The following RASA1 variants were observed in gnomAD, a reference collection of about 807,000 sequenced individuals.
RASA1 encodes the protein RAS p21 protein activator 1, also known as ras GTPase-activating protein 1.
RASA1 carries 25 observed loss-of-function variants against 132.2 expected under a neutral mutation model. That is an observed-to-expected ratio of 0.19 (90% CI 0.14 to 0.26). The LOEUF is 0.26. Ranked by LOEUF, RASA1 falls within the 10% of genes least tolerant of loss-of-function variation. The pLI is 1.00. For synonymous variants in RASA1, 477 were observed against 449.9 expected, an observed-to-expected ratio of 1.06 and a Z score of -0.76; for missense variants, 964 against 1,299.2, an observed-to-expected ratio of 0.74 and a Z score of 3.97.
chr5:87,311,042 G>A (rs1414476256), intron 1 of RASA1, among the ~76,000 whole-genome samples: 2 of 152,114 alleles, frequency 1.3e-5, no homozygotes. Flanking sequence ...TATTTTGTGG[G>A]TTGAAATGGA....
At chr5:87,329,745 T>C (rs1757476746) in intron 1 of RASA1, among the ~76,000 whole-genome samples, 1 of 152,210 alleles carries the variant, frequency 6.6e-6, no homozygotes, top group African/African-American at 2.4e-5. Flanking sequence ...ATAGTTCTAC[T>C]GCTTTAAGTA....
chr5:87,283,305 TAA>T (rs1384260503), intron 1 of RASA1, among the ~76,000 whole-genome samples: 3 of 151,922 alleles, frequency 2.0e-5, no homozygotes, highest in Non-Finnish European at 4.4e-5. Context: ...GATTGAAAAT[TAA>T]AAACCTTTCC....
chr5:87,322,595 T>A (rs987080771), intron 1 of RASA1, among the ~76,000 whole-genome samples: 4 of 152,066 alleles, frequency 2.6e-5, no homozygotes, highest in Non-Finnish European at 4.4e-5. Context: ...CTTTGCCTTC[T>A]GCCATGAGTA....
intron 1 of RASA1, among the ~76,000 whole-genome samples, chr5:87,285,656 C>T (rs1327228072): frequency 7.1e-6 from 1 of 139,894 alleles, no homozygotes; most frequent in Non-Finnish European, 1.5e-5. Flanking sequence ...CTCGCTCTGT[C>T]GCCTAGGCTG....
At chr5:87,360,047 A>C (rs1759955884) in intron 9 of RASA1, among the ~76,000 whole-genome samples, 1 of 150,584 alleles carries the variant, frequency 6.6e-6, no homozygotes, top group South Asian at 2.1e-4. Context: ...TGTATCTATC[A>C]TATCAATTCC....
rs1762477742 is a variant in RASA1 at position 87,391,059 on chromosome 5, T to G, written c.*176T>G. On this transcript the variant is annotated 3_prime_UTR_variant, in exon 25 of 25. Transcript: ENST00000274376. ...CTGGTGAATAACTATGCCAGCAACC[T>G]TGTAAGCTATCTGTGCAGGATATTT... The G allele has an allele frequency of 2.9e-6, 2 of 698,320 alleles. No homozygotes were observed. The highest frequency in any genetic ancestry group is 5.2e-6 in the Non-Finnish European group (2 of 387,466). 43.3% of individuals were successfully genotyped at this position (698,320 alleles called of 1,614,324 possible).
intron 2 of RASA1, 102 bp downstream of exon 2, chr5:87,331,602 A>C: frequency 7.9e-7 from 1 of 1,271,048 alleles, no homozygotes; most frequent in Non-Finnish European, 1.1e-6. Flanking sequence ...AGTAACAAAT[A>C]ATAGAGAAGG....
intron 1 of RASA1, among the ~76,000 whole-genome samples, chr5:87,292,183 A>T (rs2112269162): frequency 6.6e-6 from 1 of 152,212 alleles, no homozygotes; most frequent in African/African-American, 2.4e-5. Context: ...AATGAAATCC[A>T]GCTTATTCGT....
intron 9 of RASA1, among the ~76,000 whole-genome samples, chr5:87,354,057 T>C (rs962107701): frequency 6.6e-6 from 1 of 152,118 alleles, no homozygotes; most frequent in Admixed American, 6.6e-5. Context: ...TGATTTGTAG[T>C]GTGCCTAGTT....
At chr5:87,320,810 T>C (rs970362216) in intron 1 of RASA1, among the ~76,000 whole-genome samples, 1 of 152,160 alleles carries the variant, frequency 6.6e-6, no homozygotes, top group African/African-American at 2.4e-5. Flanking sequence ...TAACTCAACA[T>C]AGTGTTTTGA....
intron 1 of RASA1, among the ~76,000 whole-genome samples, chr5:87,285,000 A>G (rs553522271): frequency 6.6e-6 from 1 of 151,920 alleles, no homozygotes; most frequent in Non-Finnish European, 1.5e-5. Flanking sequence ...CAGAAATCAT[A>G]CAACTTTTAA....
At chr5:87,363,907 C>G (rs535670501) in intron 11 of RASA1, among the ~76,000 whole-genome samples, 1 of 152,094 alleles carries the variant, frequency 6.6e-6, no homozygotes, top group East Asian at 1.9e-4. Flanking sequence ...AAAAAATAAT[C>G]TTAAAATTGT....
intron 1 of RASA1, among the ~76,000 whole-genome samples, chr5:87,279,552 T>G (rs1359636542): frequency 1.3e-5 from 2 of 152,222 alleles, no homozygotes; most frequent in African/African-American, 2.4e-5. Flanking sequence ...GTATGATAGT[T>G]GCATGTTCAC....
chr5:87,333,126 T>C, intron 3 of RASA1, 141 bp from the exon 4 acceptor site: 1 of 1,308,348 alleles, frequency 7.6e-7, no homozygotes, highest in Non-Finnish European at 1.0e-6. Context: ...ACTGGGTATT[T>C]ATAGTCCAAG....
At chr5:87,356,367 G>A (rs529375129) in intron 9 of RASA1, among the ~76,000 whole-genome samples, 40 of 151,642 alleles carry the variant, frequency 2.6e-4, no homozygotes, top group African/African-American at 8.0e-4. Flanking sequence ...ACTCACTGAC[G>A]TCCTAGATGA....
chr5:87,326,459 C>T lies in RASA1; in HGVS notation c.540-4889C>T, dbSNP rs1308543558. Among the ~76,000 whole-genome samples, 4 of 152,080 alleles carry T rather than the reference C, an allele frequency of 2.6e-5. No individual in the cohort carries two copies. In the East Asian group the frequency reaches 7.7e-4, roughly 29 times the overall value. ...CTCCATATCTACCTGTAAGATTTCT[C>T]AACAAAAATTTACAAAGCTAGCTGG... is the stretch of plus-strand genomic sequence containing the variant. On this transcript the variant is annotated intron_variant, in intron 1 of 24. Coordinates refer to ENST00000274376, the MANE Select transcript of RASA1 (RefSeq NM_002890.3).
intron 1 of RASA1, among the ~76,000 whole-genome samples, chr5:87,309,341 A>G (rs954220360): frequency 6.6e-6 from 1 of 152,266 alleles, no homozygotes; most frequent in East Asian, 1.9e-4. Context: ...GAAAAGAGCA[A>G]TCAGACAGGA....
chr5:87,287,404 CACACCATATAT>C (rs1384965601), intron 1 of RASA1, among the ~76,000 whole-genome samples: 4 of 145,782 alleles, frequency 2.7e-5, no homozygotes, highest in African/African-American at 7.6e-5. Flanking sequence ...ACCATATATA[CACACCATATAT>C]ACACCATATA....
intron 17 of RASA1, 156 bp downstream of exon 17, chr5:87,377,196 G>A (rs1266388283): frequency 1.1e-6 from 1 of 944,332 alleles, no homozygotes; most frequent in Non-Finnish European, 1.6e-6. Flanking sequence ...TTGGATGTCA[G>A]TTCTGATTAT....
Sources: allele counts gnomAD v4.1 joint callset (sites outside exome capture counted in the v4.1 genomes callset), GRCh38; gene constraint gnomAD v4.1.1; transcripts MANE v1.5; gene names NCBI Gene and HGNC (gene_info 2026-07-23, HGNC 2026-07-21).